ALMS1: variants seen among roughly 807,000 people sequenced by gnomAD.
ALMS1 encodes the protein centrosome-associated protein ALMS1.
ALMS1 carries 271 observed loss-of-function variants against 352.2 expected under a neutral mutation model. The observed-to-expected ratio is 0.77, with a 90% CI of 0.70 to 0.85. ALMS1 has a LOEUF of 0.85. Among genes scored for constraint, ALMS1 ranks in the 40% least tolerant of loss-of-function variants. ALMS1 has a pLI of 0.00. For synonymous variants in ALMS1, 1,865 were observed against 1,761.2 expected, an observed-to-expected ratio of 1.06 and a Z score of -1.48; for missense variants, 5,445 against 4,870.7, an observed-to-expected ratio of 1.12 and a Z score of -3.51.
intron 10 of ALMS1, among the ~76,000 whole-genome samples, chr2:73,510,216 C>T (rs1673420941): frequency 6.6e-6 from 1 of 152,186 alleles, no homozygotes; most frequent in African/African-American, 2.4e-5. Flanking sequence ...AAGCCTACTT[C>T]TGTCAATTTG....
At chr2:73,419,349 T>C in intron 3 of ALMS1, 31 bp downstream of exon 3, 2 of 1,598,332 alleles carry the variant, frequency 1.3e-6, no homozygotes, top group Non-Finnish European at 1.7e-6. Flanking sequence ...CTAGTAGTAA[T>C]ACCTCACATT....
chr2:73,467,885 A>G (rs868626865), intron 9 of ALMS1, among the ~76,000 whole-genome samples: 12 of 152,136 alleles, frequency 7.9e-5, no homozygotes, highest in African/African-American at 2.6e-4. Flanking sequence ...AAACTAATCA[A>G]TGGTGAGAAA....
At chr2:73,514,526 G>T (rs544042610) in intron 10 of ALMS1, among the ~76,000 whole-genome samples, 1 of 152,008 alleles carries the variant, frequency 6.6e-6, no homozygotes, top group South Asian at 2.1e-4. Flanking sequence ...TATTATTGTT[G>T]CTTTGAACAA....
intron 22 of ALMS1, among the ~76,000 whole-genome samples, chr2:73,608,955 A>G (rs1345616146): frequency 6.6e-6 from 1 of 152,212 alleles, no homozygotes; most frequent in Admixed American, 6.5e-5. Flanking sequence ...TAAACTGGAA[A>G]ATGTGTAACT....
chr2:73,406,802 T>A (rs1670981672), intron 1 of ALMS1, among the ~76,000 whole-genome samples: 1 of 152,160 alleles, frequency 6.6e-6, no homozygotes. Context: ...ATGTTTACAT[T>A]TTTAGCAGAG....
chr2:73,551,559 C>T (rs1039883255), intron 13 of ALMS1, among the ~76,000 whole-genome samples: 27 of 150,440 alleles, frequency 1.8e-4, no homozygotes, highest in Admixed American at 1.0e-3. Context: ...GCCTCAGCCT[C>T]GAGTAGCTGG....
chr2:73,441,685 AAG>A (rs1446594362), intron 7 of ALMS1, among the ~76,000 whole-genome samples: 1 of 152,074 alleles, frequency 6.6e-6, no homozygotes, highest in Non-Finnish European at 1.5e-5. Context: ...CCTCAGATAT[AAG>A]AGAGTTAAAA....
intron 9 of ALMS1, among the ~76,000 whole-genome samples, chr2:73,460,890 G>C (rs1217671592): frequency 6.6e-6 from 1 of 152,238 alleles, no homozygotes; most frequent in Non-Finnish European, 1.5e-5. Context: ...GAGGCTGGGG[G>C]AGGGGCGCCT....
intron 2 of ALMS1, among the ~76,000 whole-genome samples, chr2:73,416,159 TC>T (rs1339443083): frequency 6.6e-6 from 1 of 152,190 alleles, no homozygotes; most frequent in Non-Finnish European, 1.5e-5. Context: ...TGATTGGAAT[TC>T]TGCTTTAAAA....
chr2:73,460,202 C>T (rs539285511), intron 9 of ALMS1, among the ~76,000 whole-genome samples: 1 of 152,074 alleles, frequency 6.6e-6, no homozygotes, highest in African/African-American at 2.4e-5. Flanking sequence ...CTTTCCCAGC[C>T]CCAACTCTTT....
intron 9 of ALMS1, among the ~76,000 whole-genome samples, chr2:73,476,066 G>A (rs1437015926): frequency 6.6e-6 from 1 of 151,670 alleles, no homozygotes; most frequent in African/African-American, 2.4e-5. Flanking sequence ...CTTCCCCTTA[G>A]GCCCTAGCAA....
Position 73,573,437 on chromosome 2 carries a change from A to G in ALMS1, c.11547+13A>G, listed in dbSNP as rs753246208. On this transcript the variant is annotated intron_variant, in intron 16 of 22. Transcript: ENST00000613296. The stretch of plus-strand genomic sequence containing the variant: ...GAGACACATCCAGGTACATGGCTAC[A>G]GATTCCATCTGGCAATGTGACTGCC... 2.0e-5 allele frequency: 32 copies of G among 1,613,652 alleles called. No homozygotes were observed. Among genetic ancestry groups the G allele is most frequent in the Non-Finnish European group, 2.7e-5 (32 of 1,179,844 alleles).
At chr2:73,389,325 A>G (rs967914736) in intron 1 of ALMS1, among the ~76,000 whole-genome samples, 1 of 152,044 alleles carries the variant, frequency 6.6e-6, no homozygotes, top group Non-Finnish European at 1.5e-5. Context: ...AGTTCCTTAT[A>G]GATGCTGGAT....
intron 10 of ALMS1, 112 bp downstream of exon 10, chr2:73,491,610 G>C: frequency 8.4e-7 from 1 of 1,189,114 alleles, no homozygotes; most frequent in South Asian, 1.3e-5. Context: ...TCTCTGAGTG[G>C]AGGTTGTGTC....
intron 15 of ALMS1, among the ~76,000 whole-genome samples, chr2:73,561,116 A>G (rs553339315): frequency 7.2e-5 from 11 of 152,382 alleles, no homozygotes; most frequent in African/African-American, 2.2e-4. Flanking sequence ...AACCGTTGCT[A>G]TGCAACCCAG....
At chr2:73,583,930 GTTC>G (rs1675254625) in intron 16 of ALMS1, among the ~76,000 whole-genome samples, 1 of 152,040 alleles carries the variant, frequency 6.6e-6, no homozygotes, top group South Asian at 2.1e-4. Context: ...CTCCAACATT[GTTC>G]TTGTCTTTCA....
Position 73,386,118 on chromosome 2 carries a change from C to T in ALMS1, c.250C>T (p.Pro84Ser), listed in dbSNP as rs1396310258. The change falls in exon 1 of 23, where the codon CCC (proline) becomes TCC (serine). Residue 84 changes from proline to serine, a missense_variant. By Grantham distance (74) the Pro-to-Ser change is moderately conservative. Coordinates refer to ENST00000613296, the MANE Select transcript of ALMS1 (RefSeq NM_001378454.1). ...GGCCAAGGCCTGGCTGCAGGCGCAC[C>T]CCGGCAGGATTTTGCCTCCGCTGTC... ...EEAKAWLQAHPGRILPPLSPP... is the reference protein window; with the variant it reads ...EEAKAWLQAHSGRILPPLSPP... 6 of 1,581,464 alleles carry T rather than the reference C, an allele frequency of 3.8e-6. No homozygotes were observed. Among genetic ancestry groups the T allele is most frequent in the South Asian group, 1.2e-5 (1 of 86,234 alleles).
At chr2:73,563,850 A>AG (rs1454215031) in intron 15 of ALMS1, among the ~76,000 whole-genome samples, 2 of 151,932 alleles carry the variant, frequency 1.3e-5, no homozygotes, top group African/African-American at 4.8e-5. Flanking sequence ...GCTTGTAGGG[A>AG]GAAAAAAAAT....
At position 73,550,315 on chromosome 2, in the gene ALMS1, C is replaced by A; in HGVS notation, c.9956C>A (p.Thr3319Lys). Reference sequence around the variant, plus strand: ...GACTTCCCAGCTCAGGTGCTAGGCACAAGAGATGATGACCTCTCAGCCACT... The same window carrying A: ...GACTTCCCAGCTCAGGTGCTAGGCAAAAGAGATGATGACCTCTCAGCCACT... The part of the protein sequence containing the change: ...APDFPAQVLG[T>K]RDDDLSATVN... Residue 3319 changes from threonine to lysine, a missense_variant, in exon 13 of 23, where the codon ACA becomes AAA. Thr to Lys is a moderately conservative substitution (Grantham distance 78). Coordinates refer to ENST00000613296, the MANE Select transcript of ALMS1 (RefSeq NM_001378454.1). 6.2e-7 allele frequency: 1 copy of A among 1,614,074 alleles called. No individual in the cohort carries two copies. The highest frequency in any genetic ancestry group is 8.5e-7 in the Non-Finnish European group (1 of 1,180,008).
Sources: gnomAD v4.1 joint callset for allele counts (sites outside exome capture counted in the v4.1 genomes callset) on GRCh38, gnomAD v4.1.1 for gene constraint, MANE v1.5 for transcripts, NCBI Gene and HGNC (gene_info 2026-07-23, HGNC 2026-07-21) for gene names.